Variants in PTPRG observed in about 807,000 individuals in gnomAD.
PTPRG encodes the protein protein tyrosine phosphatase receptor type G, also known as receptor-type tyrosine-protein phosphatase gamma.
In PTPRG, 102 loss-of-function variants were observed where a neutral mutation model predicts 165.3. That is an observed-to-expected ratio of 0.62 (90% confidence interval 0.53 to 0.73). The LOEUF (loss-of-function observed/expected upper bound fraction) is 0.73, where lower values mean the gene tolerates loss of function less well. Ranked by LOEUF, PTPRG falls within the 30% of genes least tolerant of loss-of-function variation. PTPRG has a pLI of 0.00. For synonymous variants in PTPRG, 675 were observed against 669.5 expected (o/e 1.01, Z -0.13); for missense variants, 1,866 against 1,861.4 (o/e 1.00, Z -0.05).
chr3:62,038,368 C>G (rs1195656862), intron 4 of PTPRG, among the ~76,000 whole-genome samples: 5 of 152,142 alleles, frequency 3.3e-5, no homozygotes, highest in African/African-American at 1.2e-4. Context: ...CATTGCTTAT[C>G]TAATGAATAG....
intron 10 of PTPRG, among the ~76,000 whole-genome samples, chr3:62,196,994 A>C (rs372361250): frequency 1.3e-5 from 2 of 152,206 alleles, no homozygotes; most frequent in Admixed American, 6.5e-5. Flanking sequence ...TACCTGGGGC[A>C]GGGGGCGTTA....
At chr3:61,701,835 A>T (rs546099853) in intron 1 of PTPRG, among the ~76,000 whole-genome samples, 1 of 152,224 alleles carries the variant, frequency 6.6e-6, no homozygotes, top group African/African-American at 2.4e-5. Context: ...GGAGGTCGAG[A>T]CTGAAGGGAG....
At chr3:61,836,555 T>C (rs2036468268) in intron 2 of PTPRG, among the ~76,000 whole-genome samples, 1 of 152,238 alleles carries the variant, frequency 6.6e-6, no homozygotes, top group African/African-American at 2.4e-5. Context: ...CTTTGCATAA[T>C]GCCTCTCAGA....
intron 2 of PTPRG, among the ~76,000 whole-genome samples, chr3:61,975,593 C>T (rs1360211195): frequency 6.6e-6 from 1 of 152,192 alleles, no homozygotes; most frequent in East Asian, 1.9e-4. Context: ...TGCCACATCT[C>T]ACCATGGAAG....
chr3:61,991,735 T>C (rs994625410), intron 3 of PTPRG, among the ~76,000 whole-genome samples: 1 of 152,228 alleles, frequency 6.6e-6, no homozygotes, highest in African/African-American at 2.4e-5. Flanking sequence ...CAGCACCACA[T>C]TCTGGAAGGC....
intron 2 of PTPRG, among the ~76,000 whole-genome samples, chr3:61,916,006 A>G (rs2038926979): frequency 1.3e-5 from 2 of 152,240 alleles, no homozygotes; most frequent in Admixed American, 1.3e-4. Context: ...CAAGTAAACT[A>G]TTCAACTGCT....
chr3:62,192,496 C>A, intron 9 of PTPRG, among the ~76,000 whole-genome samples: 1 of 148,840 alleles, frequency 6.7e-6, no homozygotes, highest in Non-Finnish European at 1.5e-5. Flanking sequence ...GCAAGCTCCA[C>A]CTCCCGGGTT....
rs566465531 is a variant in PTPRG, at chr3:61,706,593, A to G, written c.86-42285A>G. Among the ~76,000 whole-genome samples the G allele has an allele frequency of 3.9e-3, 595 of 151,518 alleles. 6 individuals are homozygous for G. Among genetic ancestry groups the G allele is most frequent in the African/African-American group, 0.014 (567 of 41,270 alleles). ...ACTGCCACCTCCGCCTCCGGGGTTC[A>G]AGCGATTCTCTTGCCTCAGCCTCCC... On this transcript the variant is annotated intron_variant, in intron 1 of 29. Coordinates refer to ENST00000474889, the MANE Select transcript of PTPRG (RefSeq NM_002841.4).
intron 28 of PTPRG, among the ~76,000 whole-genome samples, chr3:62,287,314 ATT>A (rs1250370222): frequency 2.0e-5 from 3 of 152,160 alleles, no homozygotes; most frequent in African/African-American, 7.2e-5. Flanking sequence ...ACTCAGTACA[ATT>A]TAGAATCTGA....
chr3:61,705,475 A>G (rs1357125027), intron 1 of PTPRG, among the ~76,000 whole-genome samples: 1 of 152,170 alleles, frequency 6.6e-6, no homozygotes, highest in Non-Finnish European at 1.5e-5. Context: ...AAAGTAGCTA[A>G]ATAACTTTTA....
intron 13 of PTPRG, among the ~76,000 whole-genome samples, chr3:62,223,491 T>TG (rs56937376): frequency 0.022 from 3,378 of 152,186 alleles, 63 homozygotes; most frequent in Middle Eastern, 0.13. Context: ...ACTGGGCAAT[T>TG]GGGGGGGCGG....
intron 4 of PTPRG, among the ~76,000 whole-genome samples, chr3:62,026,059 C>G (rs1559753609): frequency 6.6e-6 from 1 of 152,150 alleles, no homozygotes; most frequent in Non-Finnish European, 1.5e-5. Context: ...GTATGCAGTG[C>G]CATCTGTCTT....
chr3:61,872,998 T>A (rs1188147956), intron 2 of PTPRG, among the ~76,000 whole-genome samples: 1 of 152,202 alleles, frequency 6.6e-6, no homozygotes, highest in Admixed American at 6.5e-5. Flanking sequence ...AGTGTAAGAA[T>A]GAATTCGAGC....
chr3:62,203,650 A>T lies in PTPRG; in HGVS notation c.1855A>T (p.Asn619Tyr). 1 of 1,560,934 alleles carries T rather than the reference A, an allele frequency of 6.4e-7. No individual in the cohort carries two copies. The highest frequency in any genetic ancestry group is 1.4e-5 in the African/African-American group (1 of 73,840). Residue 619 changes from asparagine (N) to tyrosine (Y), a missense_variant, in exon 12 of 30, where the codon AAT (asparagine) becomes TAT (tyrosine). Transcript: ENST00000474889. This position sits in a 1 kb window ranked among gnomAD's most constrained non-coding sequence, Gnocchi z 6.4. The part of the protein sequence containing the change: ...SGVTHAAEER[N>Y]QTEPSPTPSS... ...GGTGACCCACGCTGCCGAGGAGCGG[A>T]ATCAGACGGAGCCCAGCCCCACACC...
Position 62,255,960 on chromosome 3 carries a change from G to A in PTPRG, c.2559+745G>A, listed in dbSNP as rs1243586721. Among the ~76,000 whole-genome samples the A allele has an allele frequency of 6.6e-6, 1 of 152,138 alleles. No homozygotes were observed. The highest frequency in any genetic ancestry group is 2.4e-5 in the African/African-American group (1 of 41,434). On this transcript the variant is annotated intron_variant, in intron 16 of 29. Transcript: ENST00000474889. The surrounding 1 kb of genome is among the most constrained non-coding windows in gnomAD (Gnocchi z 4.0). ...AGCAGTGACAGGGTGTCAATGAGGA[G>A]CTATTAAACAGACTGCCCTTTTCTT...
intron 1 of PTPRG, among the ~76,000 whole-genome samples, chr3:61,706,759 G>T (rs1184565626): frequency 6.6e-6 from 1 of 151,830 alleles, no homozygotes; most frequent in African/African-American, 2.4e-5. Flanking sequence ...CAAAGTGTTG[G>T]GATTACAGGG....
chr3:62,233,564 T>C lies in PTPRG; in HGVS notation c.2375+2253T>C, dbSNP rs143960916. 3.4e-4 allele frequency among the ~76,000 whole-genome samples: 52 copies of C among 152,300 alleles called. No individual in the cohort carries two copies. In the East Asian group the frequency reaches 0.01, roughly 29 times the overall value. On this transcript the variant is annotated intron_variant, in intron 14 of 29. Transcript: ENST00000474889. This position sits in a 1 kb window ranked among gnomAD's most constrained non-coding sequence, Gnocchi z 4.7. ...CTCATTTTCTTTCCTGGCTTGTATC[T>C]CCACCTAAAATGTGGCCAGGAATCA...
intron 1 of PTPRG, among the ~76,000 whole-genome samples, chr3:61,730,821 C>G (rs2032460630): frequency 6.6e-6 from 1 of 152,128 alleles, no homozygotes; most frequent in South Asian, 2.1e-4. Flanking sequence ...GGAGAGTAAA[C>G]TTTAGGGAAA....
chr3:62,173,971 A>C (rs1705319984), intron 8 of PTPRG, among the ~76,000 whole-genome samples: 1 of 152,246 alleles, frequency 6.6e-6, no homozygotes, highest in South Asian at 2.1e-4. Flanking sequence ...GATGTCATCC[A>C]TAAAAAATAA....
Sources: allele counts gnomAD v4.1 joint callset (sites outside exome capture counted in the v4.1 genomes callset), GRCh38; gene constraint gnomAD v4.1.1; non-coding constraint Gnocchi (gnomAD v3.1); transcripts MANE v1.5; gene names NCBI Gene and HGNC (gene_info 2026-07-23, HGNC 2026-07-21).